Variants in MIER3 observed in about 807,000 individuals in gnomAD.
MIER3 encodes the protein mesoderm induction early response protein 3.
Under a neutral mutation model 63.2 loss-of-function variants are expected in MIER3, and 9 were observed. That is an observed-to-expected ratio of 0.14 (90% CI 0.09 to 0.25). The LOEUF is 0.25. MIER3 is among the 10% of genes least tolerant of loss of function. The probability of loss-of-function intolerance (pLI) is 1.00; values close to 1 mark genes in which losing one functional copy is unlikely to be tolerated. For synonymous variants in MIER3, 205 were observed against 224.9 expected, an observed-to-expected ratio of 0.91 and a Z score of 0.79; for missense variants, 512 against 666.2, an observed-to-expected ratio of 0.77 and a Z score of 2.55.
chr5:56,929,305 T>A (rs1750171241), intron 9 of MIER3: 1 of 153,210 alleles, frequency 6.5e-6, no homozygotes, highest in Non-Finnish European at 1.5e-5. Context: ...CGGTGGCTCA[T>A]GCCTGTAATC....
Position 56,923,236 on chromosome 5 carries a change from G to A in MIER3, c.1545C>T (p.Ala515=). The change falls in exon 13 of 13, where the codon GCC becomes GCT. Residue 515 remains alanine (A), a synonymous_variant. Coordinates refer to ENST00000381199, the MANE Select transcript of MIER3 (RefSeq NM_001297599.2). ...AGTCAGCCACAGAAACAGCCATTTT[G>A]GCACTGGTGATGTGATGTGTGTGAT... is the stretch of plus-strand genomic sequence containing the variant. The part of the protein sequence containing the change: ...FENHTHHITS[A]KMAVSVADFG... The A allele has an allele frequency of 6.2e-7, 1 of 1,614,114 alleles. No homozygotes were observed. Among genetic ancestry groups the A allele is most frequent in the Non-Finnish European group, 8.5e-7 (1 of 1,180,008 alleles).
At chr5:56,940,059 G>C (rs1487353953) in intron 3 of MIER3, among the ~76,000 whole-genome samples, 2 of 152,166 alleles carry the variant, frequency 1.3e-5, no homozygotes, top group Non-Finnish European at 2.9e-5. Context: ...GCCAGTCGCA[G>C]TGGCTCACTC....
intron 10 of MIER3, chr5:56,928,316 C>G (rs1196800236): frequency 6.6e-6 from 1 of 152,568 alleles, no homozygotes; most frequent in Non-Finnish European, 1.5e-5. Flanking sequence ...TGCATTCCTA[C>G]AGGCAATGAA....
intron 10 of MIER3, among the ~76,000 whole-genome samples, chr5:56,924,254 T>G (rs1435208467): frequency 3.2e-5 from 4 of 126,200 alleles, no homozygotes; most frequent in Non-Finnish European, 7.2e-5. Flanking sequence ...AAGCCCAAGG[T>G]TTTTTTTTTA....
chr5:56,937,070 ATCT>A, intron 5 of MIER3: 1 of 151,996 alleles, frequency 6.6e-6, no homozygotes, highest in South Asian at 2.1e-4. Flanking sequence ...TTTTTATTTT[ATCT>A]TATTATTATT....
intron 3 of MIER3, among the ~76,000 whole-genome samples, chr5:56,943,466 A>G (rs987371318): frequency 6.6e-5 from 10 of 151,932 alleles, no homozygotes; most frequent in African/African-American, 2.2e-4. Flanking sequence ...TGTGAGGGAG[A>G]CAGGAGGTTC....
intron 10 of MIER3, among the ~76,000 whole-genome samples, chr5:56,927,008 A>C (rs1190205177): frequency 6.6e-6 from 1 of 152,198 alleles, no homozygotes; most frequent in East Asian, 1.9e-4. Context: ...CATACTGTAT[A>C]ATTCCAACTA....
chr5:56,927,321 A>C (rs749281340), intron 10 of MIER3, among the ~76,000 whole-genome samples: 15 of 152,140 alleles, frequency 9.9e-5, no homozygotes, highest in Non-Finnish European at 1.8e-4. Flanking sequence ...TAAAAGATAT[A>C]ATAATAACTA....
intron 3 of MIER3, among the ~76,000 whole-genome samples, chr5:56,945,137 T>C (rs1480354253): frequency 6.6e-6 from 1 of 152,218 alleles, no homozygotes; most frequent in Non-Finnish European, 1.5e-5. Context: ...GGGGTAATTA[T>C]GTATTAATAA....
At chr5:56,933,466 C>G in intron 7 of MIER3, 68 bp from the exon 8 acceptor site, 2 of 1,380,202 alleles carry the variant, frequency 1.4e-6, no homozygotes, top group Non-Finnish European at 1.9e-6. Context: ...ACAAACAATT[C>G]TTTGTCTTCC....
intron 3 of MIER3, among the ~76,000 whole-genome samples, chr5:56,944,480 C>CA (rs1227372669): frequency 0.013 from 1,632 of 122,054 alleles, 27 homozygotes; most frequent in African/African-American, 0.04. Flanking sequence ...GACTCCGTCT[C>CA]AAAAAAAAAA....
At chr5:56,945,894 CCTT>C (rs1236868861) in intron 3 of MIER3, among the ~76,000 whole-genome samples, 2 of 152,116 alleles carry the variant, frequency 1.3e-5, no homozygotes, top group African/African-American at 4.8e-5. Flanking sequence ...ATTTAAAATT[CCTT>C]CTAAAAGCTT....
chr5:56,950,709 C>A, intron 1 of MIER3, 57 bp from the exon 2 acceptor site: 2 of 1,599,506 alleles, frequency 1.3e-6, no homozygotes, highest in South Asian at 1.1e-5. Flanking sequence ...AAAGAGGCAG[C>A]GCCGGCAACA....
chr5:56,922,587 G>T lies in MIER3; in HGVS notation c.*541C>A, dbSNP rs926793175. ...TAAAAAATCCTTGCATGTTTGTGCA[G>T]TTTAAAGAAACCTACCCCTGCTTTT... On this transcript the variant is annotated 3_prime_UTR_variant, in exon 13 of 13. Coordinates refer to ENST00000381199, the MANE Select transcript of MIER3 (RefSeq NM_001297599.2). The T allele has an allele frequency of 4.5e-5, 7 of 154,408 alleles. No homozygotes were observed. The highest frequency in any genetic ancestry group is 1.7e-4 in the African/African-American group (7 of 41,460). The allele number at this position is 154,408 out of a possible 1,614,324, so 9.6% of individuals were successfully genotyped here. A position where few individuals can be genotyped will look rare whatever the true frequency, so the allele number is the denominator to read the frequency against.
At chr5:56,928,574 G>C in intron 10 of MIER3, 193 bp downstream of exon 10, 1 of 438,332 alleles carries the variant, frequency 2.3e-6, no homozygotes, top group Non-Finnish European at 4.1e-6. Flanking sequence ...GAAAAGATAT[G>C]TGAATATACT....
At chr5:56,928,658 T>TGGC (rs10684065) in intron 10 of MIER3, 109 bp downstream of exon 10, 12 of 692,282 alleles carry the variant, frequency 1.7e-5, no homozygotes, top group East Asian at 5.5e-5. Flanking sequence ...TGAAATGCTA[T>TGGC]AAGGGAACAT....
intron 1 of MIER3, among the ~76,000 whole-genome samples, chr5:56,951,371 T>C (rs1478324350): frequency 2.0e-5 from 3 of 151,794 alleles, no homozygotes; most frequent in South Asian, 4.2e-4. Flanking sequence ...CCGGGGGACA[T>C]GGCCGGGGCA....
chr5:56,947,010 G>A lies in MIER3; in HGVS notation c.96C>T (p.Asp32=), dbSNP rs1260199856. 1.2e-6 allele frequency: 2 copies of A among 1,609,950 alleles called. No individual in the cohort carries two copies. Among genetic ancestry groups the A allele is most frequent in the East Asian group, 2.2e-5 (1 of 44,520 alleles). The change falls in exon 3 of 13, where the codon GAC becomes GAT. Residue 32 remains aspartate (D), a synonymous_variant. Coordinates refer to ENST00000381199, the MANE Select transcript of MIER3 (RefSeq NM_001297599.2). The stretch of plus-strand genomic sequence containing the variant: ...CTTCAAGAGTTCTTTCATCATCATA[G>A]TCATGGACCAACATCTCAGCAGTGG... ...FDPTAEMLVH[D]YDDERTLEEE...
chr5:56,942,945 C>A (rs1183888886), intron 3 of MIER3, among the ~76,000 whole-genome samples: 1 of 152,008 alleles, frequency 6.6e-6, no homozygotes, highest in African/African-American at 2.4e-5. Context: ...GAGTTGGAGA[C>A]CAGCCTGGGC....
Sources: allele counts gnomAD v4.1 joint callset (sites outside exome capture counted in the v4.1 genomes callset), GRCh38; gene constraint gnomAD v4.1.1; transcripts MANE v1.5; gene names NCBI Gene and HGNC (gene_info 2026-07-23, HGNC 2026-07-21).